The following CDH11 variants were observed in gnomAD, a reference collection of about 807,000 sequenced individuals.
CDH11 encodes cadherin 11, also known as cadherin-11.
Under a neutral mutation model 67.8 loss-of-function variants are expected in CDH11, and 11 were observed. That is an observed-to-expected ratio of 0.16 (90% CI 0.10 to 0.27). The LOEUF is 0.27. CDH11 is among the 10% of genes least tolerant of loss of function. The pLI, the probability that CDH11 is intolerant of heterozygous loss-of-function variation, is 1.00. For synonymous variants in CDH11, 419 were observed against 400.0 expected (o/e 1.05, Z -0.57); for missense variants, 847 against 1,031.2 (o/e 0.82, Z 2.45).
intron 11 of CDH11, among the ~76,000 whole-genome samples, chr16:64,966,400 A>T (rs1520241): frequency 6.6e-6 from 1 of 151,592 alleles, no homozygotes; most frequent in Non-Finnish European, 1.5e-5. Context: ...CAGAAAGAAT[A>T]AAAAAAGCAA....
Position 64,948,065 on chromosome 16 carries a change from T to G in CDH11, c.1929A>C (p.Gln643His). The G allele has an allele frequency of 6.2e-7, 1 of 1,614,064 alleles. No individual in the cohort carries two copies. Among genetic ancestry groups the G allele is most frequent in the South Asian group, 1.1e-5 (1 of 91,072 alleles). Residue 643 changes from glutamine to histidine, a missense_variant, in exon 13 of 13, where the codon CAA becomes CAC. By Grantham distance (24) the Gln-to-His change is conservative. Coordinates refer to ENST00000268603, the MANE Select transcript of CDH11 (RefSeq NM_001797.4). Reference protein sequence around the residue: ...IVVLFVTLRRQKKEPLIVFEE... With the variant: ...IVVLFVTLRRHKKEPLIVFEE... ...CAAAGACAATGAGTGGTTCTTTCTT[T>G]TGCCTTCTCAGGGTCACAAACAATA...
intron 1 of CDH11, among the ~76,000 whole-genome samples, chr16:65,079,931 T>C (rs1778449580): frequency 6.6e-6 from 1 of 152,262 alleles, no homozygotes; most frequent in Non-Finnish European, 1.5e-5. Flanking sequence ...AATTGCATTA[T>C]AATTATCCAT....
chr16:64,975,435 A>G (rs956793041), intron 8 of CDH11, among the ~76,000 whole-genome samples: 1 of 152,184 alleles, frequency 6.6e-6, no homozygotes, highest in African/African-American at 2.4e-5. Flanking sequence ...AGCAGAGGAA[A>G]CTTAAGGATT....
intron 12 of CDH11, 52 bp downstream of exon 12, chr16:64,950,715 G>C (rs1391553062): frequency 6.3e-7 from 1 of 1,591,032 alleles, no homozygotes; most frequent in East Asian, 2.3e-5. Flanking sequence ...GTTTCAAGGA[G>C]GGGCATCCGG....
chr16:65,031,766 G>A (rs1674671909), intron 2 of CDH11, among the ~76,000 whole-genome samples: 1 of 152,062 alleles, frequency 6.6e-6, no homozygotes, highest in Admixed American at 6.6e-5. Context: ...TTATTCTTTG[G>A]CCACTGCAAA....
intron 11 of CDH11, among the ~76,000 whole-genome samples, chr16:64,954,166 C>T (rs191393468): frequency 3.3e-5 from 5 of 152,250 alleles, no homozygotes; most frequent in Admixed American, 2.0e-4. Context: ...GAGTCCTCTC[C>T]GACACACAGA....
intron 4 of CDH11, among the ~76,000 whole-genome samples, chr16:64,994,394 C>T (rs1197659317): frequency 1.3e-5 from 2 of 152,182 alleles, no homozygotes; most frequent in East Asian, 3.8e-4. Flanking sequence ...TAACCTTCAA[C>T]ATAGTTTATA....
intron 1 of CDH11, among the ~76,000 whole-genome samples, chr16:65,098,224 A>G (rs2056729305): frequency 6.6e-6 from 1 of 152,190 alleles, no homozygotes; most frequent in African/African-American, 2.4e-5. Flanking sequence ...ATTGAACCTC[A>G]TATTGCTACC....
intron 1 of CDH11, among the ~76,000 whole-genome samples, chr16:65,085,276 G>T (rs1178994519): frequency 6.6e-6 from 1 of 152,186 alleles, no homozygotes; most frequent in Non-Finnish European, 1.5e-5. Context: ...AGCCAAAGCT[G>T]CATAGTGGTT....
intron 1 of CDH11, among the ~76,000 whole-genome samples, chr16:65,084,485 C>A (rs1222020123): frequency 6.8e-6 from 1 of 147,930 alleles, no homozygotes; most frequent in African/African-American, 2.4e-5. Context: ...AAGAAGAAGC[C>A]TATCTAAAGA....
chr16:65,090,848 G>C (rs1296713677), intron 1 of CDH11, among the ~76,000 whole-genome samples: 1 of 152,188 alleles, frequency 6.6e-6, no homozygotes, highest in South Asian at 2.1e-4. Context: ...ATGGAAACTA[G>C]AGGGAACCGC....
intron 12 of CDH11, among the ~76,000 whole-genome samples, chr16:64,949,106 C>T (rs1442948557): frequency 5.9e-5 from 9 of 152,148 alleles, no homozygotes; most frequent in Admixed American, 1.3e-4. Context: ...CTCTGCTTAG[C>T]GGACTCTTTT....
intron 2 of CDH11, among the ~76,000 whole-genome samples, chr16:65,034,410 G>C (rs2073710094): frequency 6.6e-6 from 1 of 152,180 alleles, no homozygotes; most frequent in Admixed American, 6.5e-5. Flanking sequence ...AGTGGACTAA[G>C]ATAGATGGAA....
chr16:64,964,617 C>T (rs1488549354), intron 11 of CDH11, among the ~76,000 whole-genome samples: 2 of 152,040 alleles, frequency 1.3e-5, no homozygotes, highest in Non-Finnish European at 2.9e-5. Context: ...GGCCCCATCT[C>T]GGCTCACTGC....
intron 2 of CDH11, among the ~76,000 whole-genome samples, chr16:65,033,511 C>T (rs558278390): frequency 1.0e-3 from 159 of 151,994 alleles, no homozygotes; most frequent in Non-Finnish European, 1.7e-3. Flanking sequence ...GAGGCTGAGA[C>T]GGGTGGATCA....
At chr16:65,022,058 A>G (rs949800638) in intron 2 of CDH11, among the ~76,000 whole-genome samples, 1 of 152,116 alleles carries the variant, frequency 6.6e-6, no homozygotes, top group African/African-American at 2.4e-5. Flanking sequence ...TCACTAAGCT[A>G]CAGTATGAGG....
chr16:64,951,130 G>T, intron 11 of CDH11, 112 bp from the exon 12 acceptor site: 1 of 1,080,772 alleles, frequency 9.3e-7, no homozygotes, highest in Non-Finnish European at 1.3e-6. Context: ...TTAACCGCCA[G>T]AATCGTTCTT....
At chr16:65,037,213 G>A (rs999800034) in intron 2 of CDH11, among the ~76,000 whole-genome samples, 4 of 152,188 alleles carry the variant, frequency 2.6e-5, no homozygotes, top group Admixed American at 6.5e-5. Flanking sequence ...CTTACCAGCT[G>A]TGTGGCATCA....
intron 1 of CDH11, among the ~76,000 whole-genome samples, chr16:65,075,109 C>T (rs1368588773): frequency 6.6e-6 from 1 of 152,198 alleles, no homozygotes; most frequent in African/African-American, 2.4e-5. Context: ...TGGTCGTCTG[C>T]TCATCAGTCC....
Sources: gnomAD v4.1 joint callset for allele counts (sites outside exome capture counted in the v4.1 genomes callset) on GRCh38, gnomAD v4.1.1 for gene constraint, MANE v1.5 for transcripts, NCBI Gene and HGNC (gene_info 2026-07-23, HGNC 2026-07-21) for gene names.